The following NUP93 variants were observed in gnomAD, a reference collection of about 807,000 sequenced individuals.
The protein encoded by NUP93 is nucleoporin 93.
In NUP93, 55 loss-of-function variants were observed where a neutral mutation model predicts 107.8. The ratio of observed to expected loss-of-function variants is 0.51; its 90% CI spans 0.41 to 0.64. NUP93 has a LOEUF of 0.64. NUP93 is among the 30% of genes least tolerant of loss of function. The probability of loss-of-function intolerance (pLI) is 0.00; values close to 1 mark genes in which losing one functional copy is unlikely to be tolerated. For missense variants in NUP93, 937 were observed against 1,044.7 expected (o/e 0.90, Z 1.42); for synonymous variants, 390 against 397.5 (o/e 0.98, Z 0.22).
chr16:56,765,329 C>T (rs1443852249), intron 3 of NUP93, among the ~76,000 whole-genome samples: 1 of 152,132 alleles, frequency 6.6e-6, no homozygotes, highest in African/African-American at 2.4e-5. Context: ...AGAGAATGAA[C>T]AGGATGTTCA....
At chr16:56,787,496 T>C (rs1962654308) in intron 3 of NUP93, among the ~76,000 whole-genome samples, 2 of 152,228 alleles carry the variant, frequency 1.3e-5, no homozygotes, top group South Asian at 4.1e-4. Context: ...GCTCAGCTCC[T>C]ACCTGACTGA....
chr16:56,833,542 C>G, intron 13 of NUP93, 136 bp downstream of exon 13: 1 of 660,052 alleles, frequency 1.5e-6, no homozygotes, highest in Non-Finnish European at 2.4e-6. Context: ...GACAGTTGAG[C>G]TTTTTAGATG....
chr16:56,808,219 AACTATATAAAATATATAGTTATG>A (rs1567398428), intron 5 of NUP93, among the ~76,000 whole-genome samples: 89 of 109,870 alleles, frequency 8.1e-4, no homozygotes, highest in African/African-American at 2.4e-3. Context: ...ATAGTTATGT[AACTATATAAAATATATAGTTATG>A]TAACTATATA....
rs749128803 is a variant in NUP93 at position 56,841,804 on chromosome 16, C to G, written c.2320C>G (p.Pro774Ala). The change falls in exon 21 of 22, where the codon CCC (proline) becomes GCC (alanine). Residue 774 changes from proline to alanine, a missense_variant. Pro to Ala is a conservative substitution (Grantham distance 27). Coordinates refer to ENST00000308159, the MANE Select transcript of NUP93 (RefSeq NM_014669.5). ...GACAAGTCCATCCTCGTCATCCAGGCCCCAGCGAGTCATCGAGGACCGCGA... is the reference window on the plus strand; with the variant it reads ...GACAAGTCCATCCTCGTCATCCAGGGCCCAGCGAGTCATCGAGGACCGCGA... ...KGTSPSSSSR[P>A]QRVIEDRDSQ... 1.9e-6 allele frequency: 3 copies of G among 1,614,172 alleles called. No individual in the cohort carries two copies. In the East Asian group the frequency reaches 6.7e-5, roughly 36 times the overall value.
chr16:56,745,744 T>G lies in NUP93; in HGVS notation c.-14-2490T>G, dbSNP rs540976974. ...GGGGCAGGTTTTGTGGATGAAAAGT[T>G]AGAGCCCAGTTTTGGGATATTACGT... On this transcript the variant is annotated intron_variant, in intron 1 of 21. Coordinates refer to ENST00000308159, the MANE Select transcript of NUP93 (RefSeq NM_014669.5). Among the ~76,000 whole-genome samples the G allele has an allele frequency of 3.5e-4, 53 of 152,344 alleles. 1 individual carries two copies. In the South Asian group the frequency reaches 5.6e-3, roughly 16 times the overall value.
At chr16:56,807,891 G>A (rs1162508873) in intron 5 of NUP93, among the ~76,000 whole-genome samples, 1 of 151,216 alleles carries the variant, frequency 6.6e-6, no homozygotes, top group Non-Finnish European at 1.5e-5. Context: ...GCCTGGTGGC[G>A]TGTGCCTGTA....
intron 3 of NUP93, among the ~76,000 whole-genome samples, chr16:56,776,930 C>CTG (rs1962425803): frequency 6.6e-6 from 1 of 152,216 alleles, no homozygotes; most frequent in Non-Finnish European, 1.5e-5. Context: ...GGTAGAACTT[C>CTG]TTCACATATT....
chr16:56,819,486 C>T (rs188976628), intron 6 of NUP93, among the ~76,000 whole-genome samples: 4 of 152,324 alleles, frequency 2.6e-5, no homozygotes, highest in African/African-American at 9.6e-5. Flanking sequence ...CAGCAGTGGT[C>T]CAGGAATATC....
At chr16:56,830,940 C>T (rs1963772153) in intron 10 of NUP93, among the ~76,000 whole-genome samples, 2 of 152,074 alleles carry the variant, frequency 1.3e-5, no homozygotes, top group Non-Finnish European at 2.9e-5. Context: ...CAAGGGAGGG[C>T]CAGGTTTAGG....
chr16:56,807,955 G>A (rs1324945224), intron 5 of NUP93, among the ~76,000 whole-genome samples: 4 of 150,348 alleles, frequency 2.7e-5, no homozygotes, highest in Admixed American at 1.3e-4. Flanking sequence ...CAGGGGAGTC[G>A]GAGGTCGCAG....
At position 56,751,176 on chromosome 16, in the gene NUP93, T is replaced by TA. The variant is rs1296574858; in HGVS notation, c.179+2750_179+2751insA. Among the ~76,000 whole-genome samples the TA allele has an allele frequency of 2.0e-5, 3 of 152,048 alleles. No homozygotes were observed. The East Asian group carries it at 5.8e-4, about 29-fold the overall frequency. The stretch of plus-strand genomic sequence containing the variant: ...AAACTGAAATCAGGCAAGCTAGATG[T>TA]GTATAAAGAAAAAGCCAGTAGTCAC... On this transcript the variant is annotated intron_variant, in intron 2 of 21. Coordinates refer to ENST00000308159, the MANE Select transcript of NUP93 (RefSeq NM_014669.5).
At chr16:56,747,790 A>G (rs1312540814) in intron 1 of NUP93, 3 of 153,424 alleles carry the variant, frequency 2.0e-5, no homozygotes, top group East Asian at 3.8e-4. Flanking sequence ...GTCATTTGAC[A>G]TAAGGTCTTA....
At chr16:56,828,520 TTATGTG>T (rs1963716156) in intron 8 of NUP93, among the ~76,000 whole-genome samples, 1 of 152,158 alleles carries the variant, frequency 6.6e-6, no homozygotes, top group Non-Finnish European at 1.5e-5. Context: ...GAGAAAAATG[TTATGTG>T]TATGTGTAGA....
In NUP93 at chr16:56,748,278, C is replaced by G. The variant is rs760236486; in HGVS notation, c.31C>G (p.Gln11Glu). ...TACTGAGGGGTTTGGTGAGCTCCTT[C>G]AGCAAGCTGAACAGCTTGCTGCTGA... MDTEGFGELL[Q>E]QAEQLAAETE... The change falls in exon 2 of 22, where the codon CAG becomes GAG. Residue 11 changes from glutamine to glutamate, a missense_variant. Coordinates refer to ENST00000308159, the MANE Select transcript of NUP93 (RefSeq NM_014669.5). 2 of 1,613,432 alleles carry G rather than the reference C, an allele frequency of 1.2e-6. No individual in the cohort carries two copies. Among genetic ancestry groups the G allele is most frequent in the South Asian group, 2.2e-5 (2 of 91,058 alleles).
rs1193131614 is a variant in NUP93 at position 56,808,146 on chromosome 16, C to CTA, written c.489+2521_489+2522dup. On this transcript the variant is annotated intron_variant, in intron 5 of 21. Transcript: ENST00000308159. ...TAACTATATAAATATATTTATATAACTATATATAATATATAGTTATATAAC... is the reference window on the plus strand; with the variant it reads ...TAACTATATAAATATATTTATATAACTATATATATAATATATAGTTATATAAC... Among the ~76,000 whole-genome samples the CTA allele has an allele frequency of 4.7e-5, 4 of 85,018 alleles. 1 individual carries two copies. Among genetic ancestry groups the CTA allele is most frequent in the African/African-American group, 2.0e-4 (4 of 20,118 alleles). 55.8% of individuals were successfully genotyped at this position (85,018 alleles called of 152,430 possible).
At chr16:56,761,966 T>G (rs986751545) in intron 3 of NUP93, among the ~76,000 whole-genome samples, 2 of 152,222 alleles carry the variant, frequency 1.3e-5, no homozygotes, top group Non-Finnish European at 1.5e-5. Flanking sequence ...TATGTAGGGA[T>G]GATACTAGTA....
At chr16:56,783,740 T>C (rs1962564653) in intron 3 of NUP93, 2 of 985,262 alleles carry the variant, frequency 2.0e-6, no homozygotes, top group East Asian at 1.1e-4. Context: ...GGCCATTTCA[T>C]TTACATTAGG....
intron 3 of NUP93, among the ~76,000 whole-genome samples, chr16:56,789,496 T>G (rs1962705564): frequency 6.6e-6 from 1 of 152,182 alleles, no homozygotes; most frequent in South Asian, 2.1e-4. Context: ...GCCCACACAG[T>G]GCCATGTTAT....
At chr16:56,794,468 C>T (rs561367379) in intron 3 of NUP93, among the ~76,000 whole-genome samples, 1 of 152,098 alleles carries the variant, frequency 6.6e-6, no homozygotes, top group African/African-American at 2.4e-5. Context: ...CTGTTTCATT[C>T]TTACTTGAAA....
Sources: gnomAD v4.1 joint callset for allele counts (sites outside exome capture counted in the v4.1 genomes callset) on GRCh38, gnomAD v4.1.1 for gene constraint, MANE v1.5 for transcripts, NCBI Gene and HGNC (gene_info 2026-07-23, HGNC 2026-07-21) for gene names.